The following STXBP5 variants were observed in gnomAD, a reference collection of about 807,000 sequenced individuals.
STXBP5 encodes syntaxin binding protein 5.
A neutral mutation model predicts 152.4 loss-of-function variants in STXBP5; 50 were observed. That is an observed-to-expected ratio of 0.33 (90% CI 0.26 to 0.42). STXBP5 has a LOEUF of 0.42. Among genes scored for constraint, STXBP5 ranks in the 10% least tolerant of loss-of-function variants. STXBP5 has a pLI of 1.00. For missense variants in STXBP5, 1,167 were observed against 1,388.6 expected (o/e 0.84, Z 2.54); for synonymous variants, 492 against 494.7 (o/e 0.99, Z 0.07).
chr6:147,210,326 A>C (rs1366372477), intron 2 of STXBP5, among the ~76,000 whole-genome samples: 1 of 152,154 alleles, frequency 6.6e-6, no homozygotes, highest in Non-Finnish European at 1.5e-5. Flanking sequence ...TTGTATTATC[A>C]TTTTGGGAGA....
At chr6:147,226,633 G>A (rs968629629) in intron 2 of STXBP5, among the ~76,000 whole-genome samples, 3 of 152,200 alleles carry the variant, frequency 2.0e-5, no homozygotes, top group Non-Finnish European at 4.4e-5. Context: ...AATAGCATAA[G>A]ACATGCTAAA....
In STXBP5 at chr6:147,385,045, G is replaced by A. The variant is rs1348261532; in HGVS notation, c.*290G>A. The A allele has an allele frequency of 2.5e-6, 1 of 397,802 alleles. No homozygotes were observed. The highest frequency in any genetic ancestry group is 2.1e-5 in the African/African-American group (1 of 47,864). The allele number at this position is 397,802 out of a possible 1,614,324, so 24.6% of individuals were successfully genotyped here. A position where few individuals can be genotyped will look rare whatever the true frequency, so the allele number is the denominator to read the frequency against. Reference sequence around the variant, plus strand: ...AAGGGGGCTGCTGAGGAGACCTGGTGCAGGGACTAATCCTGGATCATTCCT... The same window carrying A: ...AAGGGGGCTGCTGAGGAGACCTGGTACAGGGACTAATCCTGGATCATTCCT... On this transcript the variant is annotated 3_prime_UTR_variant, in exon 28 of 28. Coordinates refer to ENST00000321680, the MANE Select transcript of STXBP5 (RefSeq NM_001127715.4).
rs551162874 is a variant in STXBP5, at chr6:147,365,767, A to G, written c.3081+1601A>G. On this transcript the variant is annotated intron_variant, in intron 25 of 27. Transcript: ENST00000321680. Reference sequence around the variant, plus strand: ...TCTGTTGAAGACTATGATGAACTTGATAAACACTATACCTTGGTTCCCTGA... The same window carrying G: ...TCTGTTGAAGACTATGATGAACTTGGTAAACACTATACCTTGGTTCCCTGA... Among the ~76,000 whole-genome samples the G allele has an allele frequency of 9.2e-5, 14 of 152,312 alleles. No individual in the cohort carries two copies. In the South Asian group the frequency reaches 1.2e-3, roughly 14 times the overall value.
intron 8 of STXBP5, among the ~76,000 whole-genome samples, chr6:147,290,200 C>G (rs559647560): frequency 1.3e-5 from 2 of 152,058 alleles, no homozygotes; most frequent in East Asian, 3.9e-4. Flanking sequence ...AGGAGTGAGA[C>G]CTTGTCTCAA....
In STXBP5 at chr6:147,291,988, C is replaced by T. The variant is rs142568668; in HGVS notation, c.917+816C>T. 1.2e-3 allele frequency among the ~76,000 whole-genome samples: 180 copies of T among 152,108 alleles called. 2 individuals are homozygous for T. The highest frequency in any genetic ancestry group is 4.2e-3 in the African/African-American group (173 of 41,420). On this transcript the variant is annotated intron_variant, in intron 9 of 27. Coordinates refer to ENST00000321680, the MANE Select transcript of STXBP5 (RefSeq NM_001127715.4). ...TTGAAATGCAGATTCTCAGATTCCACCCTAGATCTACTGAATCAAAAACTC... is the reference window on the plus strand; with the variant it reads ...TTGAAATGCAGATTCTCAGATTCCATCCTAGATCTACTGAATCAAAAACTC...
At chr6:147,338,731 A>AATATATAGTTTTAAACTAT (rs55846257) in intron 19 of STXBP5, among the ~76,000 whole-genome samples, 142,200 of 150,382 alleles carry the variant, frequency 0.95, 67,280 homozygotes, top group East Asian at 0.98. Flanking sequence ...TAGTAGAATG[A>AATATATAGTTTTAAACTAT]ATATATAGTT....
chr6:147,249,244 C>T (rs1215478081), intron 4 of STXBP5, among the ~76,000 whole-genome samples: 1 of 150,428 alleles, frequency 6.6e-6, no homozygotes, highest in Non-Finnish European at 1.5e-5. Flanking sequence ...TACCTTGTTA[C>T]AAAATCAGTA....
At chr6:147,318,830 G>A (rs541261066) in intron 16 of STXBP5, among the ~76,000 whole-genome samples, 1 of 152,276 alleles carries the variant, frequency 6.6e-6, no homozygotes, top group Non-Finnish European at 1.5e-5. Context: ...AATAACTAAT[G>A]ACTGTGATTT....
rs1786481072 is a variant in STXBP5 at position 147,389,257 on chromosome 6, G to C, written c.*4502G>C. Reference sequence around the variant, plus strand: ...CTACTGCCTCCGAAGTTTTAAAAAAGGTTCTGTAGACAGAAAACAGTTGTT... The same window carrying C: ...CTACTGCCTCCGAAGTTTTAAAAAACGTTCTGTAGACAGAAAACAGTTGTT... On this transcript the variant is annotated 3_prime_UTR_variant, in exon 28 of 28. Coordinates refer to ENST00000321680, the MANE Select transcript of STXBP5 (RefSeq NM_001127715.4). 6.6e-6 allele frequency: 1 copy of C among 151,510 alleles called. No homozygotes were observed. The highest frequency in any genetic ancestry group is 1.5e-5 in the Non-Finnish European group (1 of 67,666). The allele number at this position is 151,510 out of a possible 1,614,324, so 9.4% of individuals were successfully genotyped here.
At chr6:147,231,740 A>AT (rs1778017232) in intron 2 of STXBP5, among the ~76,000 whole-genome samples, 1 of 151,762 alleles carries the variant, frequency 6.6e-6, no homozygotes, top group Non-Finnish European at 1.5e-5. Flanking sequence ...CAGACGTTTA[A>AT]TTTTTTTCAT....
Position 147,339,318 on chromosome 6 carries a change from A to G in STXBP5, c.2207-19A>G. On this transcript the variant is annotated intron_variant, in intron 20 of 27. Transcript: ENST00000321680. Reference sequence around the variant, plus strand: ...CTTTGACTAGATTTTGACATTTTATATCAAAATATTGTTTTCAGTGAAGAC... The same window carrying G: ...CTTTGACTAGATTTTGACATTTTATGTCAAAATATTGTTTTCAGTGAAGAC... 6.6e-7 allele frequency: 1 copy of G among 1,517,320 alleles called. No individual in the cohort carries two copies. Among genetic ancestry groups the G allele is most frequent in the South Asian group, 1.3e-5 (1 of 76,418 alleles). The allele number at this position is 1,517,320 out of a possible 1,614,324, so 94.0% of individuals were successfully genotyped here.
At chr6:147,300,029 T>A (rs1296873965) in intron 9 of STXBP5, among the ~76,000 whole-genome samples, 1 of 151,926 alleles carries the variant, frequency 6.6e-6, no homozygotes, top group Admixed American at 6.6e-5. Context: ...GTGAACTAAC[T>A]GAAAAAGAAG....
chr6:147,383,058 A>T, intron 27 of STXBP5, 60 bp downstream of exon 27: 2 of 1,552,206 alleles, frequency 1.3e-6, no homozygotes, highest in Non-Finnish European at 1.8e-6. Flanking sequence ...TGTGAATGTT[A>T]CTTTATTTTT....
At chr6:147,223,050 T>C (rs1406866040) in intron 2 of STXBP5, among the ~76,000 whole-genome samples, 1 of 152,250 alleles carries the variant, frequency 6.6e-6, no homozygotes, top group African/African-American at 2.4e-5. Context: ...CTCTTACAGA[T>C]CTTTAAGAAG....
intron 5 of STXBP5, 105 bp downstream of exon 5, chr6:147,260,854 C>A (rs998332082): frequency 4.5e-6 from 6 of 1,337,264 alleles, no homozygotes; most frequent in African/African-American, 1.5e-5. Context: ...AAATATGTGA[C>A]AGATGTTCTT....
At chr6:147,213,102 G>A (rs1562411812) in intron 2 of STXBP5, among the ~76,000 whole-genome samples, 1 of 152,014 alleles carries the variant, frequency 6.6e-6, no homozygotes, top group African/African-American at 2.4e-5. Flanking sequence ...TACTAAATTT[G>A]GTAATTGTAT....
At chr6:147,246,025 C>T (rs2115249211) in intron 4 of STXBP5, among the ~76,000 whole-genome samples, 1 of 152,312 alleles carries the variant, frequency 6.6e-6, no homozygotes, top group Middle Eastern at 3.4e-3. Context: ...CTAGGAAACA[C>T]ATATCACCTT....
intron 16 of STXBP5, among the ~76,000 whole-genome samples, chr6:147,317,895 T>C (rs1251736694): frequency 1.3e-5 from 2 of 152,206 alleles, no homozygotes; most frequent in African/African-American, 4.8e-5. Flanking sequence ...CCAAGCCCTT[T>C]GTTACATTTA....
intron 16 of STXBP5, among the ~76,000 whole-genome samples, chr6:147,321,231 T>G (rs1220049824): frequency 6.6e-6 from 1 of 152,140 alleles, no homozygotes; most frequent in African/African-American, 2.4e-5. Flanking sequence ...GCCAGTTTCT[T>G]AAAGTAAGAA....
Sources: allele counts gnomAD v4.1 joint callset (sites outside exome capture counted in the v4.1 genomes callset), GRCh38; gene constraint gnomAD v4.1.1; transcripts MANE v1.5; gene names NCBI Gene and HGNC (gene_info 2026-07-23, HGNC 2026-07-21).